Variants in COL21A1 observed in about 807,000 individuals in gnomAD.
COL21A1 encodes collagen alpha-1(XXI) chain.
In COL21A1, 149 loss-of-function variants were observed where a neutral mutation model predicts 137.9. That is an observed-to-expected ratio of 1.08 (90% CI 0.95 to 1.24). The LOEUF (loss-of-function observed/expected upper bound fraction) is 1.24, where lower values mean the gene tolerates loss of function less well. Ranked by LOEUF, COL21A1 falls within the 50% of genes most tolerant of loss-of-function variation. The pLI is 0.00. For synonymous variants in COL21A1, 456 were observed against 391.5 expected, an observed-to-expected ratio of 1.16 and a Z score of -1.95; for missense variants, 1,167 against 1,158.4, an observed-to-expected ratio of 1.01 and a Z score of -0.11.
At chr6:56,291,376 G>T (rs1764037934) in intron 1 of COL21A1, among the ~76,000 whole-genome samples, 1 of 152,216 alleles carries the variant, frequency 6.6e-6, no homozygotes. Context: ...CTGCAAACTG[G>T]AAGCTGCTAC....
intron 1 of COL21A1, among the ~76,000 whole-genome samples, chr6:56,316,581 A>C (rs980427803): frequency 2.9e-5 from 4 of 137,616 alleles, no homozygotes; most frequent in African/African-American, 1.1e-4. Flanking sequence ...TCTCAGGTTC[A>C]AGTGATTCTT....
chr6:56,147,447 T>C (rs1005091798), intron 10 of COL21A1, among the ~76,000 whole-genome samples: 14 of 151,694 alleles, frequency 9.2e-5, no homozygotes, highest in African/African-American at 3.1e-4. Context: ...CCAGCAAATA[T>C]AGGTATATGA....
At chr6:56,314,144 C>T (rs1336604600) in intron 1 of COL21A1, among the ~76,000 whole-genome samples, 1 of 152,122 alleles carries the variant, frequency 6.6e-6, no homozygotes, top group Non-Finnish European at 1.5e-5. Flanking sequence ...ACCACCACCC[C>T]TGGCTGATTT....
intron 10 of COL21A1, among the ~76,000 whole-genome samples, chr6:56,147,860 A>C (rs1256418392): frequency 6.6e-6 from 1 of 152,160 alleles, no homozygotes; most frequent in Admixed American, 6.6e-5. Flanking sequence ...CCCTGCCAAG[A>C]TACTCCGCAA....
rs181603775 is a variant in COL21A1, at chr6:56,126,970, G to A, written c.1543-821C>T. Reference sequence around the variant, plus strand: ...AAGTTATTGATTCATATGATTTAAAGAGTGATATATTTATTCAAGGCTTAT... The same window carrying A: ...AAGTTATTGATTCATATGATTTAAAAAGTGATATATTTATTCAAGGCTTAT... On this transcript the variant is annotated intron_variant, in intron 12 of 29. Transcript: ENST00000244728. 2.6e-5 allele frequency among the ~76,000 whole-genome samples: 4 copies of A among 152,240 alleles called. No individual in the cohort carries two copies. In the East Asian group the frequency reaches 7.7e-4, roughly 29 times the overall value.
chr6:56,197,285 T>C (rs1779083111), intron 1 of COL21A1, among the ~76,000 whole-genome samples: 1 of 151,980 alleles, frequency 6.6e-6, no homozygotes, highest in Non-Finnish European at 1.5e-5. Context: ...AAAAGCTTAA[T>C]AACACTGGTC....
intron 22 of COL21A1, 125 bp downstream of exon 22, chr6:56,068,921 T>A (rs1187625629): frequency 2.1e-5 from 14 of 668,084 alleles, no homozygotes; most frequent in Non-Finnish European, 3.4e-5. Flanking sequence ...ATACATCGAA[T>A]ATATAGGGTA....
chr6:56,217,405 GAATTTTCTCAGA>G (rs1780554617), intron 1 of COL21A1, among the ~76,000 whole-genome samples: 1 of 151,976 alleles, frequency 6.6e-6, no homozygotes, highest in East Asian at 1.9e-4. Flanking sequence ...TGTCAACCAT[GAATTTTCTCAGA>G]AATTCAGAAG....
At chr6:56,059,019 C>T in intron 29 of COL21A1, 146 bp downstream of exon 29, 1 of 635,250 alleles carries the variant, frequency 1.6e-6, no homozygotes, top group Non-Finnish European at 2.8e-6. Flanking sequence ...AAAAATATTC[C>T]AGAAGTTAGA....
At chr6:56,228,579 T>C (rs1424641862) in intron 1 of COL21A1, among the ~76,000 whole-genome samples, 1 of 141,178 alleles carries the variant, frequency 7.1e-6, no homozygotes, top group Non-Finnish European at 1.6e-5. Flanking sequence ...ATGAAATGGT[T>C]CATACATGAA....
At chr6:56,062,792 G>A (rs1765920963) in intron 24 of COL21A1, among the ~76,000 whole-genome samples, 1 of 152,106 alleles carries the variant, frequency 6.6e-6, no homozygotes, top group Non-Finnish European at 1.5e-5. Context: ...AAATGCGGGA[G>A]TGATCCTTAC....
chr6:56,299,024 A>G (rs1477312269), intron 1 of COL21A1, among the ~76,000 whole-genome samples: 1 of 152,134 alleles, frequency 6.6e-6, no homozygotes, highest in Non-Finnish European at 1.5e-5. Flanking sequence ...GTCACTTGCA[A>G]CAAAAACCTC....
intron 1 of COL21A1, among the ~76,000 whole-genome samples, chr6:56,226,887 T>C (rs182601329): frequency 1.8e-4 from 27 of 152,110 alleles, no homozygotes; most frequent in Non-Finnish European, 3.4e-4. Flanking sequence ...AGAAATACTT[T>C]CTTTGGATTT....
At chr6:56,388,791 T>C (rs536979608) in intron 1 of COL21A1, among the ~76,000 whole-genome samples, 3 of 152,226 alleles carry the variant, frequency 2.0e-5, no homozygotes, top group African/African-American at 7.2e-5. Flanking sequence ...ACAAACTAAA[T>C]AAGGCACTAG....
intron 3 of COL21A1, among the ~76,000 whole-genome samples, chr6:56,175,659 G>A (rs1285032416): frequency 1.3e-5 from 2 of 152,090 alleles, no homozygotes; most frequent in Admixed American, 6.5e-5. Flanking sequence ...AATATATCTT[G>A]TGTTCATGGA....
intron 1 of COL21A1, among the ~76,000 whole-genome samples, chr6:56,323,176 A>C (rs1468869147): frequency 1.3e-5 from 2 of 152,196 alleles, no homozygotes; most frequent in Non-Finnish European, 2.9e-5. Context: ...AAAAACTAAA[A>C]ATAAATTTTA....
At chr6:56,067,446 C>T in intron 22 of COL21A1, 116 bp from the exon 23 acceptor site, 1 of 772,110 alleles carries the variant, frequency 1.3e-6, no homozygotes, top group Non-Finnish European at 2.1e-6. Flanking sequence ...TCCACAAGTG[C>T]CTGTATACAC....
Position 56,135,714 on chromosome 6 carries a change from T to C in COL21A1, c.1542+6071A>G, listed in dbSNP as rs541906903. ...AATAATAAATAAAGAACCAAGGCAA[T>C]CTTTGAGATTTCTTAAATTTGATAA... On this transcript the variant is annotated intron_variant, in intron 12 of 29. Transcript: ENST00000244728. Among the ~76,000 whole-genome samples, 5 of 152,294 alleles carry C rather than the reference T, an allele frequency of 3.3e-5. No individual in the cohort carries two copies. In the East Asian group the frequency reaches 9.6e-4, roughly 29 times the overall value.
At chr6:56,111,709 CAAA>C (rs35714909) in intron 16 of COL21A1, among the ~76,000 whole-genome samples, 23 of 141,752 alleles carry the variant, frequency 1.6e-4, no homozygotes, top group African/African-American at 3.4e-4. Context: ...ACTAAAAATA[CAAA>C]AAAAAAAAAA....
Sources: allele counts gnomAD v4.1 joint callset (sites outside exome capture counted in the v4.1 genomes callset), GRCh38; gene constraint gnomAD v4.1.1; transcripts MANE v1.5; gene names NCBI Gene and HGNC (gene_info 2026-07-23, HGNC 2026-07-21).